Variants in ANAPC1 observed in about 807,000 individuals in gnomAD.
ANAPC1 encodes anaphase-promoting complex subunit 1.
In ANAPC1, 36 loss-of-function variants were observed where a neutral mutation model predicts 208.0. The ratio of observed to expected loss-of-function variants is 0.17; its 90% CI spans 0.13 to 0.23. The LOEUF is 0.23. Among genes scored for constraint, ANAPC1 ranks in the 10% least tolerant of loss-of-function variants. The pLI is 1.00. For synonymous variants in ANAPC1, 378 were observed against 695.2 expected (o/e 0.54, Z 7.18); for missense variants, 942 against 2,011.6 (o/e 0.47, Z 10.17).
In ANAPC1 at chr2:111,864,980, T is replaced by C. The variant is rs780345328; in HGVS notation, c.686-29A>G. ...AAAAATAAAATAGAAAAATCAGGTATAGAACAATGGGCTTTACAAGACTGA... is the reference window on the plus strand; with the variant it reads ...AAAAATAAAATAGAAAAATCAGGTACAGAACAATGGGCTTTACAAGACTGA... On this transcript the variant is annotated intron_variant, in intron 7 of 47. Transcript: ENST00000341068. The C allele has an allele frequency of 5.0e-6, 8 of 1,593,458 alleles. No individual in the cohort carries two copies. In the South Asian group the frequency reaches 6.9e-5, roughly 14 times the overall value.
chr2:111,785,889 G>A (rs1677520212), intron 39 of ANAPC1, among the ~76,000 whole-genome samples: 1 of 150,756 alleles, frequency 6.6e-6, no homozygotes, highest in Admixed American at 6.6e-5. Flanking sequence ...GAAGGGGGAA[G>A]ACAGGATGTC....
At chr2:111,833,168 A>G (rs1418147211) in intron 20 of ANAPC1, 52 bp downstream of exon 20, 4 of 1,536,350 alleles carry the variant, frequency 2.6e-6, no homozygotes, top group Non-Finnish European at 3.5e-6. Flanking sequence ...AGAAAGATAC[A>G]AGGAAATATC....
At chr2:111,840,134 A>C (rs1300424654) in intron 17 of ANAPC1, among the ~76,000 whole-genome samples, 1 of 152,192 alleles carries the variant, frequency 6.6e-6, no homozygotes, top group Non-Finnish European at 1.5e-5. Flanking sequence ...TTAACCCCAA[A>C]TGCAACTGTT....
intron 47 of ANAPC1, among the ~76,000 whole-genome samples, chr2:111,771,680 T>TA (rs1037676963): frequency 1.3e-5 from 2 of 151,450 alleles, no homozygotes; most frequent in African/African-American, 4.8e-5. Context: ...CTCTAGATAG[T>TA]AAACTTTTAT....
intron 21 of ANAPC1, among the ~76,000 whole-genome samples, chr2:111,826,657 A>ATT (rs1316742889): frequency 1.1e-5 from 1 of 88,656 alleles, no homozygotes; most frequent in African/African-American, 4.9e-5. Context: ...TGCTTTATTT[A>ATT]TTTATTTATT....
chr2:111,865,245 T>TAA (rs1682341056), intron 7 of ANAPC1, among the ~76,000 whole-genome samples: 1 of 152,096 alleles, frequency 6.6e-6, no homozygotes, highest in South Asian at 2.1e-4. Flanking sequence ...CAGCCACAGG[T>TAA]AAAAGGTCGA....
intron 25 of ANAPC1, among the ~76,000 whole-genome samples, chr2:111,821,936 T>C (rs1368016597): frequency 6.6e-6 from 1 of 152,020 alleles, no homozygotes; most frequent in Non-Finnish European, 1.5e-5. Context: ...ATTTTTTCCC[T>C]GGGGCTGCAG....
chr2:111,847,308 A>G (rs1397081603), intron 15 of ANAPC1, 110 bp from the exon 16 acceptor site: 28 of 667,510 alleles, frequency 4.2e-5, no homozygotes, highest in Non-Finnish European at 6.9e-5. Flanking sequence ...AAAATAAATG[A>G]AAAACAATTT....
intron 39 of ANAPC1, among the ~76,000 whole-genome samples, chr2:111,787,317 C>G (rs939025458): frequency 6.7e-6 from 1 of 149,070 alleles, no homozygotes; most frequent in Middle Eastern, 3.4e-3. Context: ...AGGCATGAGG[C>G]CACATGTCAG....
At chr2:111,820,981 G>C (rs2947993) in intron 26 of ANAPC1, among the ~76,000 whole-genome samples, 4 of 149,378 alleles carry the variant, frequency 2.7e-5, no homozygotes, top group African/African-American at 7.4e-5. Flanking sequence ...AAAGAGTAAA[G>C]TGTTATATGT....
chr2:111,827,165 G>A (rs1679882016), intron 21 of ANAPC1, among the ~76,000 whole-genome samples: 1 of 152,110 alleles, frequency 6.6e-6, no homozygotes. Flanking sequence ...GTATCGAATA[G>A]TGCTCTCTCA....
intron 16 of ANAPC1, among the ~76,000 whole-genome samples, chr2:111,844,450 T>C (rs1680939713): frequency 6.6e-6 from 1 of 151,208 alleles, no homozygotes; most frequent in Non-Finnish European, 1.5e-5. Flanking sequence ...GCACCTGTAA[T>C]CCCAGCTACT....
intron 13 of ANAPC1, among the ~76,000 whole-genome samples, chr2:111,853,165 G>T (rs1681505270): frequency 6.6e-6 from 1 of 151,998 alleles, no homozygotes; most frequent in Non-Finnish European, 1.5e-5. Context: ...AGAGACTCCA[G>T]CTATCTTCTG....
Position 111,858,516 on chromosome 2 carries a change from T to C in ANAPC1, c.1263-115A>G. ...TGGCTCACACCTGTAATCCCAACAC[T>C]TTGGGAGGCCGAGGCGGGCAGATCA... is the stretch of plus-strand genomic sequence containing the variant. On this transcript the variant is annotated intron_variant, in intron 10 of 47. Coordinates refer to ENST00000341068, the MANE Select transcript of ANAPC1 (RefSeq NM_022662.4). The C allele has an allele frequency of 9.1e-6, 6 of 656,096 alleles. No homozygotes were observed. In the South Asian group the frequency reaches 1.2e-4, roughly 13 times the overall value. The allele number at this position is 656,096 out of a possible 1,614,324, so 40.6% of individuals were successfully genotyped here.
chr2:111,768,064 G>A lies in ANAPC1; in HGVS notation c.*1227C>T, dbSNP rs188559465. 57 of 152,278 alleles carry A rather than the reference G, an allele frequency of 3.7e-4. No homozygotes were observed. Among genetic ancestry groups the A allele is most frequent in the Admixed American group, 3.2e-3 (49 of 15,298 alleles). 9.4% of individuals were successfully genotyped at this position (152,278 alleles called of 1,614,324 possible). A position where few individuals can be genotyped will look rare whatever the true frequency, so the allele number is the denominator to read the frequency against. ...AAAGTCAAACACCACAGTTCAGGAT[G>A]TGGAAGAAATATGAAGTCAGTGGAT... is the stretch of plus-strand genomic sequence containing the variant. On this transcript the variant is annotated 3_prime_UTR_variant, in exon 48 of 48. Transcript: ENST00000341068.
chr2:111,880,723 A>C lies in ANAPC1; in HGVS notation c.103T>G (p.Leu35Val), dbSNP rs935280274. ...RDHCKHHPNA[L>V]NLQLRQLQPA... The stretch of plus-strand genomic sequence containing the variant: ...TGCAGCTGGCGAAGTTGAAGGTTCA[A>C]AGCATTAGGGTGGTGCTTGCAGTGG... The change falls in exon 2 of 48, where the codon TTG becomes GTG. Residue 35 changes from leucine to valine, a missense_variant. Transcript: ENST00000341068. The C allele has an allele frequency of 1.9e-6, 3 of 1,613,842 alleles. No homozygotes were observed. The highest frequency in any genetic ancestry group is 2.5e-6 in the Non-Finnish European group (3 of 1,179,878).
chr2:111,856,025 G>C (rs1167632373), intron 13 of ANAPC1, among the ~76,000 whole-genome samples: 1 of 152,190 alleles, frequency 6.6e-6, no homozygotes, highest in African/African-American at 2.4e-5. Flanking sequence ...CACGAGGTCA[G>C]GAGATCGAGA....
At chr2:111,857,825 C>G (rs1269920041) in intron 11 of ANAPC1, among the ~76,000 whole-genome samples, 1 of 152,080 alleles carries the variant, frequency 6.6e-6, no homozygotes, top group Non-Finnish European at 1.5e-5. Context: ...AACAGATAAG[C>G]AAAACATGGT....
At chr2:111,864,462 A>AC (rs1553434778) in intron 8 of ANAPC1, among the ~76,000 whole-genome samples, 1 of 32,372 alleles carries the variant, frequency 3.1e-5, no homozygotes, top group African/African-American at 6.7e-5. Flanking sequence ...ATATATATAT[A>AC]CTTTTTTTTT....
Sources: allele counts gnomAD v4.1 joint callset (sites outside exome capture counted in the v4.1 genomes callset), GRCh38; gene constraint gnomAD v4.1.1; transcripts MANE v1.5; gene names NCBI Gene and HGNC (gene_info 2026-07-23, HGNC 2026-07-21).